CABLES1: variants seen among roughly 807,000 people sequenced by gnomAD.
CABLES1 encodes Cdk5 and Abl enzyme substrate 1.
CABLES1 carries 36 observed loss-of-function variants against 57.8 expected under a neutral mutation model. The observed-to-expected ratio is 0.62, with a 90% CI of 0.48 to 0.82. The LOEUF is 0.82. CABLES1 is among the 40% of genes least tolerant of loss of function. The probability of loss-of-function intolerance (pLI) is 0.00; values close to 1 mark genes in which losing one functional copy is unlikely to be tolerated. For missense variants in CABLES1, 767 were observed against 836.6 expected, an observed-to-expected ratio of 0.92 and a Z score of 1.03; for synonymous variants, 374 against 363.0, an observed-to-expected ratio of 1.03 and a Z score of -0.35.
chr18:23,200,748 C>T (rs940653418), intron 3 of CABLES1, among the ~76,000 whole-genome samples: 1 of 152,206 alleles, frequency 6.6e-6, no homozygotes, highest in African/African-American at 2.4e-5. Flanking sequence ...GTGCCATGGA[C>T]ATTGCATATC....
chr18:23,231,318 G>A (rs944317323), intron 4 of CABLES1, among the ~76,000 whole-genome samples: 1 of 152,188 alleles, frequency 6.6e-6, no homozygotes, highest in African/African-American at 2.4e-5. Context: ...CAGTTTCTCA[G>A]TCAACTGTTC....
rs982525235 is a variant in CABLES1 at position 23,259,313 on chromosome 18, A to G, written c.*1946A>G. ...CCCATCTGCCCCCGAATTTCCTGCCAAGCTCTGGGGAGTGGGGTGGGGGGA... is the reference window on the plus strand; with the variant it reads ...CCCATCTGCCCCCGAATTTCCTGCCGAGCTCTGGGGAGTGGGGTGGGGGGA... On this transcript the variant is annotated 3_prime_UTR_variant, in exon 10 of 10. Transcript: ENST00000256925. The G allele has an allele frequency of 6.6e-6, 1 of 151,262 alleles. No individual in the cohort carries two copies. The highest frequency in any genetic ancestry group is 2.4e-5 in the African/African-American group (1 of 41,132). The allele number at this position is 151,262 out of a possible 1,614,324, so 9.4% of individuals were successfully genotyped here. A position where few individuals can be genotyped will look rare whatever the true frequency, so the allele number is the denominator to read the frequency against.
rs147452861 is a variant in CABLES1, at chr18:23,144,144, G to A, written c.845+7537G>A. Among the ~76,000 whole-genome samples the A allele has an allele frequency of 7.9e-5, 12 of 152,300 alleles. No homozygotes were observed. In the East Asian group the frequency reaches 1.7e-3, roughly 22 times the overall value. On this transcript the variant is annotated intron_variant, in intron 1 of 9. Transcript: ENST00000256925. Reference sequence around the variant, plus strand: ...CGCTGCTCTCCCCATGCTCGTACACGCTCCTGGCTGGGCCTCTTCCTTCCC... The same window carrying A: ...CGCTGCTCTCCCCATGCTCGTACACACTCCTGGCTGGGCCTCTTCCTTCCC...
At chr18:23,134,753 T>C (rs1025777419), upstream of CABLES1, 3 of 152,162 alleles carry the variant, frequency 2.0e-5, no homozygotes, top group African/African-American at 4.8e-5. Flanking sequence ...CGTTGTCCTT[T>C]GCTAAGAGAG....
At chr18:23,147,551 G>T (rs535885844) in intron 1 of CABLES1, among the ~76,000 whole-genome samples, 1 of 152,300 alleles carries the variant, frequency 6.6e-6, no homozygotes, top group African/African-American at 2.4e-5. Context: ...ATTTGACAAG[G>T]TCTGCTCTGA....
intron 1 of CABLES1, among the ~76,000 whole-genome samples, chr18:23,178,017 C>T (rs1000215184): frequency 7.9e-5 from 12 of 152,154 alleles, no homozygotes; most frequent in South Asian, 2.1e-4. Context: ...ATGCATAGGG[C>T]GCATTTCTGT....
At chr18:23,202,958 G>A (rs1385372940) in intron 3 of CABLES1, among the ~76,000 whole-genome samples, 4 of 147,228 alleles carry the variant, frequency 2.7e-5, no homozygotes, top group African/African-American at 1.0e-4. Flanking sequence ...CTGCACTCCA[G>A]CCTGGGAGAC....
chr18:23,136,757 G>C, intron 1 of CABLES1, 150 bp downstream of exon 1: 1 of 489,222 alleles, frequency 2.0e-6, no homozygotes, highest in Non-Finnish European at 3.3e-6. Flanking sequence ...CCCAAACCAC[G>C]AGGGCACCCA....
At chr18:23,168,687 C>T (rs995973998) in intron 1 of CABLES1, among the ~76,000 whole-genome samples, 22 of 152,176 alleles carry the variant, frequency 1.4e-4, no homozygotes, top group Admixed American at 1.2e-3. Context: ...CTAGGGTGGA[C>T]GTGGAGCCTG....
intron 1 of CABLES1, among the ~76,000 whole-genome samples, chr18:23,154,697 A>G (rs2046954448): frequency 6.6e-6 from 1 of 152,174 alleles, no homozygotes; most frequent in African/African-American, 2.4e-5. Context: ...ACTTTAGAGA[A>G]TTGAGTTTTC....
Position 23,253,758 on chromosome 18 carries a change from A to G in CABLES1, c.1583A>G (p.Gln528Arg). The change falls in exon 9 of 10, where the codon CAG becomes CGG. Residue 528 changes from glutamine to arginine, a missense_variant. By Grantham distance (43) the Gln-to-Arg change is conservative. This residue lies in a region of CABLES1 where 529 missense variants were observed against 622.8 expected (regional missense o/e 0.85). Transcript: ENST00000256925. ...SLKREMRKLA[Q>R]EDCGLEEPTV... ...AAACGAGAGATGCGGAAGCTTGCGC[A>G]GGAGGACTGTGGCCTTGAGGAGCCC... The G allele has an allele frequency of 2.5e-6, 4 of 1,614,190 alleles. No individual in the cohort carries two copies. The highest frequency in any genetic ancestry group is 1.1e-5 in the South Asian group (1 of 91,082).
intron 1 of CABLES1, among the ~76,000 whole-genome samples, chr18:23,166,235 C>G (rs2047041707): frequency 6.7e-6 from 1 of 149,406 alleles, no homozygotes; most frequent in Non-Finnish European, 1.5e-5. Context: ...GAGTTTCACT[C>G]TCGTTGCCCA....
intron 3 of CABLES1, among the ~76,000 whole-genome samples, chr18:23,199,547 T>C (rs2047308681): frequency 6.6e-6 from 1 of 152,200 alleles, no homozygotes. Context: ...CATGCTACAA[T>C]GTGGATGAAT....
chr18:23,141,207 A>G (rs2046855753), intron 1 of CABLES1, among the ~76,000 whole-genome samples: 1 of 152,218 alleles, frequency 6.6e-6, no homozygotes, highest in South Asian at 2.1e-4. Flanking sequence ...GCCCAAGGCC[A>G]GTTGGCAATT....
chr18:23,237,638 G>A (rs1183986881), intron 7 of CABLES1, among the ~76,000 whole-genome samples: 2 of 152,274 alleles, frequency 1.3e-5, no homozygotes, highest in Non-Finnish European at 2.9e-5. Flanking sequence ...TGTGCATGCT[G>A]AGCAAACATT....
At chr18:23,249,244 T>C (rs1215807693) in intron 7 of CABLES1, among the ~76,000 whole-genome samples, 1 of 152,190 alleles carries the variant, frequency 6.6e-6, no homozygotes, top group East Asian at 1.9e-4. Context: ...CAGGGAAGTG[T>C]AACTGTTAGC....
At chr18:23,187,798 A>AAAGCCAAAC (rs1327270366) in intron 1 of CABLES1, among the ~76,000 whole-genome samples, 2 of 152,194 alleles carry the variant, frequency 1.3e-5, no homozygotes, top group Non-Finnish European at 2.9e-5. Context: ...TTGTCTTAGA[A>AAAGCCAAAC]AAGCCAAACA....
intron 4 of CABLES1, among the ~76,000 whole-genome samples, chr18:23,226,785 TTGG>T (rs1434319163): frequency 6.6e-6 from 1 of 152,084 alleles, no homozygotes; most frequent in Non-Finnish European, 1.5e-5. Flanking sequence ...TGGATGTGGG[TTGG>T]TATTTCTGTA....
At chr18:23,135,415 CA>C (rs1001108163), upstream of CABLES1, 1 of 152,244 alleles carries the variant, frequency 6.6e-6, no homozygotes, top group Non-Finnish European at 1.5e-5. Context: ...CGTGTTATTG[CA>C]AAGAGGGCTT....
Sources: allele counts gnomAD v4.1 joint callset (sites outside exome capture counted in the v4.1 genomes callset), GRCh38; gene constraint gnomAD v4.1.1; regional missense constraint gnomAD v4.1.1; transcripts MANE v1.5; gene names NCBI Gene and HGNC (gene_info 2026-07-23, HGNC 2026-07-21).